Variants in SUPT16H observed in about 807,000 individuals in gnomAD.
SUPT16H encodes SPT16 homolog, facilitates chromatin remodeling subunit.
Under a neutral mutation model 136.2 loss-of-function variants are expected in SUPT16H, and 24 were observed. That is an observed-to-expected ratio of 0.18 (90% CI 0.13 to 0.25). The LOEUF (loss-of-function observed/expected upper bound fraction) is 0.25, where lower values mean the gene tolerates loss of function less well. Ranked by LOEUF, SUPT16H falls within the 10% of genes least tolerant of loss-of-function variation. The pLI, the probability that SUPT16H is intolerant of heterozygous loss-of-function variation, is 1.00. For synonymous variants in SUPT16H, 415 were observed against 428.2 expected, an observed-to-expected ratio of 0.97 and a Z score of 0.38; for missense variants, 623 against 1,270.2, an observed-to-expected ratio of 0.49 and a Z score of 7.74.
Position 21,366,426 on chromosome 14 carries a change from C to T in SUPT16H, c.1046+13G>A. On this transcript the variant is annotated intron_variant, in intron 8 of 25. Transcript: ENST00000216297. ...AAACTGACTCAAGAATGACAATAGA[C>T]ATCATGGCATACCCTAGGTTTTTGG... 2 of 1,612,424 alleles carry T rather than the reference C, an allele frequency of 1.2e-6. No individual in the cohort carries two copies. The highest frequency in any genetic ancestry group is 1.1e-5 in the South Asian group (1 of 90,818).
At position 21,368,409 on chromosome 14, in the gene SUPT16H, G is replaced by C; in HGVS notation, c.815C>G (p.Thr272Ser). The C allele has an allele frequency of 6.2e-7, 1 of 1,613,716 alleles. No homozygotes were observed. Residue 272 changes from threonine (T) to serine (S), a missense_variant, in exon 7 of 26, where the codon ACT becomes AGT. Around this residue, in one of 7 missense-constraint regions of SUPT16H, gnomAD observed 343 missense variants for 525.7 expected, o/e 0.65. Coordinates refer to ENST00000216297, the MANE Select transcript of SUPT16H (RefSeq NM_007192.4). ...DKNHMHFGAI[T>S]CAMGIRFKSY... The stretch of plus-strand genomic sequence containing the variant: ...CTTGAAGCGAATACCCATGGCACAA[G>C]TGATAGCCCCAAAGTGCATATGATT...
At chr14:21,369,636 C>T (rs1886744461) in intron 5 of SUPT16H, 114 bp downstream of exon 5, 4 of 1,370,584 alleles carry the variant, frequency 2.9e-6, no homozygotes, top group Non-Finnish European at 4.0e-6. Context: ...TTACCACCAA[C>T]TTAAGTGTCA....
rs60588939 is a variant in SUPT16H at position 21,380,296 on chromosome 14, A to ATTTTTTTTTTTTTT, written c.66+3552_66+3565dup. Among the ~76,000 whole-genome samples the ATTTTTTTTTTTTTT allele has an allele frequency of 1.1e-3, 125 of 112,012 alleles. 2 individuals are homozygous for ATTTTTTTTTTTTTT. The highest frequency in any genetic ancestry group is 1.6e-3 in the Non-Finnish European group (87 of 55,576). 73.5% of individuals were successfully genotyped at this position (112,012 alleles called of 152,430 possible). ...CTGACAGATACTGATGGAAGACTGA[A>ATTTTTTTTTTTTTT]TTTTTTTTTTTTTTTTAAAGAAATG... On this transcript the variant is annotated intron_variant, in intron 1 of 25. Transcript: ENST00000216297.
intron 23 of SUPT16H, among the ~76,000 whole-genome samples, chr14:21,354,117 G>A (rs937442905): frequency 1.3e-5 from 2 of 152,160 alleles, no homozygotes; most frequent in Non-Finnish European, 2.9e-5. Flanking sequence ...TCACACAAAC[G>A]TTAAGTGGAT....
chr14:21,355,287 G>A (rs1356236008), intron 22 of SUPT16H, among the ~76,000 whole-genome samples: 1 of 152,058 alleles, frequency 6.6e-6, no homozygotes, highest in Non-Finnish European at 1.5e-5. Context: ...GAGGTCAGGA[G>A]ATCGAGACCA....
Position 21,352,693 on chromosome 14 carries a change from G to C in SUPT16H, c.3124C>G (p.Pro1042Ala), listed in dbSNP as rs200675076. The change falls in exon 26 of 26, where the codon CCC becomes GCC. Residue 1042 changes from proline (P) to alanine (A), a missense_variant. Physicochemically the swap from Pro to Ala is conservative, Grantham distance 27 (BLOSUM62 -1). Coordinates refer to ENST00000216297, the MANE Select transcript of SUPT16H (RefSeq NM_007192.4). The stretch of plus-strand genomic sequence containing the variant: ...AGAAGTTACTTCCTCTTTTTCTTGG[G>C]GGGTGCAGAGCTGTGTCTGGAACCA... ...NRGSRHSSAP[P>A]KKKRK 1.2e-6 allele frequency: 2 copies of C among 1,614,088 alleles called. No homozygotes were observed. Among genetic ancestry groups the C allele is most frequent in the Non-Finnish European group, 1.7e-6 (2 of 1,179,996 alleles).
chr14:21,360,710 T>A, intron 17 of SUPT16H, 136 bp downstream of exon 17: 1 of 1,355,634 alleles, frequency 7.4e-7, no homozygotes, highest in South Asian at 1.4e-5. Context: ...TTCCTTGTCA[T>A]ACTTTATTAG....
Position 21,370,356 on chromosome 14 carries a change from T to C in SUPT16H, c.463A>G (p.Asn155Asp), listed in dbSNP as rs940159670. Residue 155 changes from asparagine (N) to aspartate (D), a missense_variant, in exon 4 of 26, where the codon AAC (asparagine) becomes GAC (aspartate). Coordinates refer to ENST00000216297, the MANE Select transcript of SUPT16H (RefSeq NM_007192.4). ...EFMKSWNDCLNKEGFDKIDIS... is the reference protein window; with the variant it reads ...EFMKSWNDCLDKEGFDKIDIS... The stretch of plus-strand genomic sequence containing the variant: ...CTTACTTTGTCAAAGCCTTCTTTGT[T>C]GAGGCAGTCATTCCAGCTCTTCATG... 3 of 1,612,128 alleles carry C rather than the reference T, an allele frequency of 1.9e-6. No homozygotes were observed. Among genetic ancestry groups the C allele is most frequent in the Non-Finnish European group, 2.5e-6 (3 of 1,179,862 alleles).
In SUPT16H at chr14:21,366,428, T is replaced by C; in HGVS notation, c.1046+11A>G. The C allele has an allele frequency of 6.2e-7, 1 of 1,612,952 alleles. No individual in the cohort carries two copies. Among genetic ancestry groups the C allele is most frequent in the Non-Finnish European group, 8.5e-7 (1 of 1,179,484 alleles). On this transcript the variant is annotated intron_variant, in intron 8 of 25. Coordinates refer to ENST00000216297, the MANE Select transcript of SUPT16H (RefSeq NM_007192.4). ...ACTGACTCAAGAATGACAATAGACA[T>C]CATGGCATACCCTAGGTTTTTGGTA...
chr14:21,373,948 G>A (rs919430626), intron 1 of SUPT16H, among the ~76,000 whole-genome samples: 16 of 152,036 alleles, frequency 1.1e-4, no homozygotes, highest in Admixed American at 2.0e-4. Flanking sequence ...GGCTGGTCTC[G>A]AACTCCTAAC....
In SUPT16H at chr14:21,371,797, A is replaced by G. The variant is rs1886790638; in HGVS notation, c.330+77T>C. On this transcript the variant is annotated intron_variant, in intron 3 of 25. Transcript: ENST00000216297. ...ATAATTTCCCCTGCGCATTCTTTCA[A>G]ACTCCTATAAGGCATTTCTGTTCAT... 18 of 1,544,980 alleles carry G rather than the reference A, an allele frequency of 1.2e-5. 2 individuals are homozygous for G. In the South Asian group the frequency reaches 2.2e-4, roughly 19 times the overall value.
rs1388811043 is a variant in SUPT16H at position 21,369,864 on chromosome 14, G to A, written c.516C>T (p.Ile172=). The part of the protein sequence containing the change: ...IDISAVVAYT[I]AVKEDGELNL... The stretch of plus-strand genomic sequence containing the variant: ...TGAGCTCCCCATCCTCCTTTACAGC[G>A]ATGGTATATGCCACAACTGCACTGA... Residue 172 remains isoleucine, a synonymous_variant, in exon 5 of 26, where the codon ATC becomes ATT. Transcript: ENST00000216297. 5 of 1,614,020 alleles carry A rather than the reference G, an allele frequency of 3.1e-6. No individual in the cohort carries two copies. The highest frequency in any genetic ancestry group is 1.1e-5 in the South Asian group (1 of 91,086).
chr14:21,378,843 A>G (rs755547058), intron 1 of SUPT16H, among the ~76,000 whole-genome samples: 5 of 152,342 alleles, frequency 3.3e-5, no homozygotes, highest in South Asian at 2.1e-4. Context: ...TTAAAAAACT[A>G]TATCTATTAC....
Position 21,352,254 on chromosome 14 carries a change from A to T in SUPT16H, c.*419T>A. 1 of 187,818 alleles carries T rather than the reference A, an allele frequency of 5.3e-6. No homozygotes were observed. Among genetic ancestry groups the T allele is most frequent in the Non-Finnish European group, 1.1e-5 (1 of 87,088 alleles). 11.6% of individuals were successfully genotyped at this position (187,818 alleles called of 1,614,324 possible). On this transcript the variant is annotated 3_prime_UTR_variant, in exon 26 of 26. Coordinates refer to ENST00000216297, the MANE Select transcript of SUPT16H (RefSeq NM_007192.4). ...GTGCGGAAGGTCATGGCAGTAGGGT[A>T]GGTTGGAGGATTGAATGTGCTGGTC...
intron 17 of SUPT16H, 67 bp downstream of exon 17, chr14:21,360,779 C>A: frequency 6.4e-7 from 1 of 1,557,596 alleles, no homozygotes; most frequent in South Asian, 1.2e-5. Flanking sequence ...ATTTTATTAT[C>A]TGATCTGTCA....
intron 18 of SUPT16H, 62 bp downstream of exon 18, chr14:21,360,353 A>C: frequency 7.8e-7 from 1 of 1,280,150 alleles, no homozygotes; most frequent in Non-Finnish European, 1.1e-6. Context: ...TATAGGAAAG[A>C]AGCTGAGTGA....
chr14:21,372,573 C>T (rs1406837937), intron 2 of SUPT16H: 2 of 369,998 alleles, frequency 5.4e-6, no homozygotes, highest in Non-Finnish European at 1.0e-5. Flanking sequence ...GAAAAGGTGG[C>T]CTCCTGTTTT....
At chr14:21,375,848 C>T (rs1886890523) in intron 1 of SUPT16H, among the ~76,000 whole-genome samples, 1 of 152,206 alleles carries the variant, frequency 6.6e-6, no homozygotes, top group Non-Finnish European at 1.5e-5. Context: ...CTGCCTTGGC[C>T]TCCCAAAATG....
chr14:21,362,283 T>C lies in SUPT16H; in HGVS notation c.1707A>G (p.Arg569=), dbSNP rs149182660. Reference sequence around the variant, plus strand: ...CACTGCCTGGGCAATAAAAGTTGATTCGCAAGTAAGTATAATCTCCTTCCA... The same window carrying C: ...CACTGCCTGGGCAATAAAAGTTGATCCGCAAGTAAGTATAATCTCCTTCCA... ...MSVEGDYTYL[R]INFYCPGSAL... Residue 569 remains arginine (R), a synonymous_variant, in exon 15 of 26, where the codon CGA becomes CGG. Transcript: ENST00000216297. The C allele has an allele frequency of 7.4e-6, 12 of 1,613,958 alleles. 1 individual carries two copies. In the African/African-American group the frequency reaches 1.6e-4, roughly 22 times the overall value.
Sources: allele counts gnomAD v4.1 joint callset (sites outside exome capture counted in the v4.1 genomes callset), GRCh38; gene constraint gnomAD v4.1.1; regional missense constraint gnomAD v4.1.1; transcripts MANE v1.5; gene names NCBI Gene and HGNC (gene_info 2026-07-23, HGNC 2026-07-21).